The following UNK variants were observed in gnomAD, a reference collection of about 807,000 sequenced individuals.
UNK encodes unk zinc finger.
Under a neutral mutation model 97.6 loss-of-function variants are expected in UNK, and 32 were observed. The ratio of observed to expected loss-of-function variants is 0.33; its 90% CI spans 0.25 to 0.44. The LOEUF is 0.44. Ranked by LOEUF, UNK falls within the 20% of genes least tolerant of loss-of-function variation. The pLI, the probability that UNK is intolerant of heterozygous loss-of-function variation, is 1.00. For missense variants in UNK, 771 were observed against 1,098.4 expected (o/e 0.70, Z 4.21); for synonymous variants, 441 against 461.2 (o/e 0.96, Z 0.56).
chr17:75,788,523 G>T (rs910603822), intron 1 of UNK, among the ~76,000 whole-genome samples: 2 of 151,638 alleles, frequency 1.3e-5, no homozygotes, highest in African/African-American at 4.8e-5. Flanking sequence ...TATTTATTTA[G>T]TTGTATTTTT....
rs993932649 is a variant in UNK, at chr17:75,817,878, G to A, written c.1306-225G>A. Among the ~76,000 whole-genome samples, 5 of 152,108 alleles carry A rather than the reference G, an allele frequency of 3.3e-5. No homozygotes were observed. Among genetic ancestry groups the A allele is most frequent in the Non-Finnish European group, 5.9e-5 (4 of 68,004 alleles). On this transcript the variant is annotated intron_variant, in intron 9 of 15. Transcript: ENST00000589666. This position sits in a 1 kb window ranked among gnomAD's most constrained non-coding sequence, Gnocchi z 5.8. ...ACTGGGCCTGGAGAGATACCTTCTG[G>A]GCTTACATGAGGCCTAGTGTCACCG... is the stretch of plus-strand genomic sequence containing the variant.
Position 75,817,229 on chromosome 17 carries a change from A to G in UNK, c.1105-97A>G, listed in dbSNP as rs978841494. On this transcript the variant is annotated intron_variant, in intron 8 of 15. Coordinates refer to ENST00000589666, the MANE Select transcript of UNK (RefSeq NM_001080419.3). This position sits in a 1 kb window ranked among gnomAD's most constrained non-coding sequence, Gnocchi z 5.8. Reference sequence around the variant, plus strand: ...TCGTTGGCAGATGAAAGTGGAACTGAGCCCCTTGAAGACTCCCTCTGGAGA... The same window carrying G: ...TCGTTGGCAGATGAAAGTGGAACTGGGCCCCTTGAAGACTCCCTCTGGAGA... 10 of 1,326,604 alleles carry G rather than the reference A, an allele frequency of 7.5e-6. No individual in the cohort carries two copies. The highest frequency in any genetic ancestry group is 2.8e-4 in the Middle Eastern group (1 of 3,612). 82.2% of individuals were successfully genotyped at this position (1,326,604 alleles called of 1,614,324 possible). A position where few individuals can be genotyped will look rare whatever the true frequency, so the allele number is the denominator to read the frequency against.
chr17:75,818,794 C>A lies in UNK; in HGVS notation c.1524C>A (p.Ser508Arg). The A allele has an allele frequency of 3.7e-6, 6 of 1,608,818 alleles. No individual in the cohort carries two copies. Among genetic ancestry groups the A allele is most frequent in the Non-Finnish European group, 5.1e-6 (6 of 1,177,238 alleles). Residue 508 changes from serine (S) to arginine (R), a missense_variant, in exon 11 of 16, where the codon AGC (serine) becomes AGA (arginine). Physicochemically the swap from Ser to Arg is moderately radical, Grantham distance 110. This residue lies in a region of UNK where 91 missense variants were observed against 173.1 expected (regional missense o/e 0.53). Transcript: ENST00000589666. The surrounding 1 kb of genome is among the most constrained non-coding windows in gnomAD (Gnocchi z 5.1). ...ACGCTCTGCCCTTCTACCCCACCAG[C>A]GACACGGTAGAGTCAGTCATAGGTA... is the stretch of plus-strand genomic sequence containing the variant. ...NANALPFYPT[S>R]DTVESVIESA... is the part of the protein sequence containing the mutation.
intron 1 of UNK, chr17:75,792,153 A>G: frequency 1.1e-6 from 1 of 905,326 alleles, no homozygotes; most frequent in Non-Finnish European, 1.3e-6. Context: ...AATTTTTCTC[A>G]TTAGGAGAGA....
intron 13 of UNK, 43 bp downstream of exon 13, chr17:75,820,151 C>T (rs751027132): frequency 1.3e-6 from 2 of 1,569,078 alleles, no homozygotes; most frequent in Non-Finnish European, 1.7e-6. Context: ...GGGGCAGGAA[C>T]CTGCGCCTTT....
At chr17:75,803,282 A>G (rs1340589045) in intron 1 of UNK, among the ~76,000 whole-genome samples, 2 of 152,214 alleles carry the variant, frequency 1.3e-5, no homozygotes, top group Admixed American at 1.3e-4. Flanking sequence ...AGGCACCTGT[A>G]GTCCCAGCTA....
At chr17:75,802,846 G>T (rs906322411) in intron 1 of UNK, among the ~76,000 whole-genome samples, 4 of 152,200 alleles carry the variant, frequency 2.6e-5, no homozygotes, top group Non-Finnish European at 4.4e-5. Flanking sequence ...AAAAAAGAAG[G>T]CCGGGCACCA....
At chr17:75,823,126 T>G in intron 14 of UNK, 139 bp from the exon 15 acceptor site, 9 of 1,365,204 alleles carry the variant, frequency 6.6e-6, no homozygotes, top group Non-Finnish European at 7.8e-6. Flanking sequence ...AGCATCAGCC[T>G]CCTCCTTGCC....
intron 1 of UNK, among the ~76,000 whole-genome samples, chr17:75,801,713 A>G (rs1337949575): frequency 6.6e-6 from 1 of 151,374 alleles, no homozygotes; most frequent in Admixed American, 6.6e-5. Context: ...CACCTGGCTA[A>G]TTTGTATTTT....
chr17:75,799,586 T>G (rs2061837464), intron 1 of UNK, among the ~76,000 whole-genome samples: 1 of 152,198 alleles, frequency 6.6e-6, no homozygotes, highest in Non-Finnish European at 1.5e-5. Context: ...TTTTTGCTTT[T>G]CTTTTCACTT....
Position 75,816,727 on chromosome 17 carries a change from G to A in UNK, c.962-43G>A, listed in dbSNP as rs748938740. 7.0e-6 allele frequency: 11 copies of A among 1,565,840 alleles called. No homozygotes were observed. The highest frequency in any genetic ancestry group is 8.6e-7 in the Non-Finnish European group (1 of 1,159,312). On this transcript the variant is annotated intron_variant, in intron 7 of 15. Transcript: ENST00000589666. The surrounding 1 kb of genome is among the most constrained non-coding windows in gnomAD (Gnocchi z 4.0). ...ACCCAGGAGCATTTTTGGAGGGACA[G>A]AGCTGGCTGGGGCCTGCTGACCCCT... is the stretch of plus-strand genomic sequence containing the variant.
In UNK at chr17:75,819,377, G is replaced by T; in HGVS notation, c.1547-307G>T. ...CACTGATCCCGGGGCTGAGACCCTT[G>T]AGTTGTAACATCAGGGGACAAGACC... On this transcript the variant is annotated intron_variant, in intron 11 of 15. Coordinates refer to ENST00000589666, the MANE Select transcript of UNK (RefSeq NM_001080419.3). This position sits in a 1 kb window ranked among gnomAD's most constrained non-coding sequence, Gnocchi z 5.4. 1 of 416,974 alleles carries T rather than the reference G, an allele frequency of 2.4e-6. No individual in the cohort carries two copies. The highest frequency in any genetic ancestry group is 4.4e-6 in the Non-Finnish European group (1 of 227,492). The allele number at this position is 416,974 out of a possible 1,614,324, so 25.8% of individuals were successfully genotyped here. A position where few individuals can be genotyped will look rare whatever the true frequency, so the allele number is the denominator to read the frequency against.
chr17:75,823,864 CCT>C (rs1439884833), intron 15 of UNK, among the ~76,000 whole-genome samples: 1 of 152,200 alleles, frequency 6.6e-6, no homozygotes, highest in African/African-American at 2.4e-5. Context: ...CAGGGCTACC[CCT>C]GCCTTCCCAG....
At chr17:75,822,764 G>A (rs967854615) in intron 14 of UNK, 106 bp downstream of exon 14, 39 of 1,327,830 alleles carry the variant, frequency 2.9e-5, no homozygotes, top group Non-Finnish European at 3.9e-5. Context: ...GGGGCTGGAA[G>A]AACAGAGCAG....
chr17:75,801,984 A>G (rs1258244136), intron 1 of UNK, among the ~76,000 whole-genome samples: 1 of 151,138 alleles, frequency 6.6e-6, no homozygotes, highest in East Asian at 1.9e-4. Context: ...AGTAGTTGGG[A>G]TTATAGGTGT....
rs373643730 is a variant in UNK, at chr17:75,813,048, C to T, written c.623-30C>T. Reference sequence around the variant, plus strand: ...CTTGGGGTGCTCCAGCTCCTCTCACCTGACCCCTGCCCTCTGGCCCCCTGT... The same window carrying T: ...CTTGGGGTGCTCCAGCTCCTCTCACTTGACCCCTGCCCTCTGGCCCCCTGT... On this transcript the variant is annotated intron_variant, in intron 4 of 15. Transcript: ENST00000589666. 7.7e-6 allele frequency: 12 copies of T among 1,565,180 alleles called. No individual in the cohort carries two copies. In the Middle Eastern group the frequency reaches 5.0e-4, roughly 65 times the overall value.
intron 13 of UNK, chr17:75,821,745 G>A (rs748647952): frequency 1.3e-4 from 61 of 456,324 alleles, no homozygotes; most frequent in Middle Eastern, 3.2e-4. Context: ...TCGGAAGCCC[G>A]GGGCTGCCCT....
chr17:75,811,288 G>A (rs896839504), intron 2 of UNK, among the ~76,000 whole-genome samples: 1 of 152,096 alleles, frequency 6.6e-6, no homozygotes, highest in Non-Finnish European at 1.5e-5. Flanking sequence ...AGAGATGGGT[G>A]AGGGGATGTC....
Position 75,816,973 on chromosome 17 carries a change from C to G in UNK, c.1104+61C>G. 2 of 1,534,156 alleles carry G rather than the reference C, an allele frequency of 1.3e-6. No homozygotes were observed. Among genetic ancestry groups the G allele is most frequent in the African/African-American group, 1.4e-5 (1 of 73,584 alleles). ...GCCTGACAGAGCCAATACTTGCCTC[C>G]TAGGCCCTTTCAGCCTGGGCTTGGG... On this transcript the variant is annotated intron_variant, in intron 8 of 15. Transcript: ENST00000589666. This position sits in a 1 kb window ranked among gnomAD's most constrained non-coding sequence, Gnocchi z 4.0.
Sources: allele counts gnomAD v4.1 joint callset (sites outside exome capture counted in the v4.1 genomes callset), GRCh38; gene constraint gnomAD v4.1.1; regional missense constraint gnomAD v4.1.1; non-coding constraint Gnocchi (gnomAD v3.1); transcripts MANE v1.5; gene names NCBI Gene and HGNC (gene_info 2026-07-23, HGNC 2026-07-21).